The following LIPA variants were observed in gnomAD, a reference collection of about 807,000 sequenced individuals.
LIPA encodes lipase A, lysosomal acid type, also known as lysosomal acid lipase/cholesteryl ester hydrolase.
LIPA carries 26 observed loss-of-function variants against 40.6 expected under a neutral mutation model. That is an observed-to-expected ratio of 0.64 (90% CI 0.47 to 0.89). LIPA has a LOEUF of 0.89. Ranked by LOEUF, LIPA falls within the 40% of genes least tolerant of loss-of-function variation. LIPA has a pLI of 0.00. For missense variants in LIPA, 455 were observed against 479.6 expected, an observed-to-expected ratio of 0.95 and a Z score of 0.48; for synonymous variants, 188 against 168.4, an observed-to-expected ratio of 1.12 and a Z score of -0.90.
At chr10:89,271,934 T>C (rs1026594237) in intron 1 of LIPA, among the ~76,000 whole-genome samples, 1 of 151,642 alleles carries the variant, frequency 6.6e-6, no homozygotes, top group Admixed American at 6.6e-5. Flanking sequence ...ACCAGATACA[T>C]TGTCACGCAC....
At chr10:89,384,726 C>T in intron 2 of LIPA, 10 of 1,606,832 alleles carry the variant, frequency 6.2e-6, no homozygotes, top group Non-Finnish European at 8.5e-6. Context: ...CTGACCTGAA[C>T]CCTATATTTT....
intron 2 of LIPA, among the ~76,000 whole-genome samples, chr10:89,360,896 G>A (rs11203091): frequency 2.0e-5 from 3 of 152,082 alleles, no homozygotes; most frequent in Non-Finnish European, 2.9e-5. Flanking sequence ...AGAGCCATGC[G>A]CCCTTTGAAA....
At chr10:89,378,860 T>C (rs577265820) in intron 2 of LIPA, among the ~76,000 whole-genome samples, 13 of 152,346 alleles carry the variant, frequency 8.5e-5, no homozygotes, top group Non-Finnish European at 1.8e-4. Flanking sequence ...AGCAATCTTA[T>C]TTCCAAAGAT....
intron 3 of LIPA, among the ~76,000 whole-genome samples, chr10:89,244,676 T>G (rs1843002713): frequency 6.6e-6 from 1 of 152,182 alleles, no homozygotes; most frequent in South Asian, 2.1e-4. Context: ...TTTCAATCAG[T>G]CTGTCTAGAA....
intron 2 of LIPA, among the ~76,000 whole-genome samples, chr10:89,390,843 T>C (rs992445849): frequency 6.6e-6 from 1 of 152,228 alleles, no homozygotes; most frequent in Non-Finnish European, 1.5e-5. Flanking sequence ...TGAAAACCCA[T>C]TTTTTCCCAT....
At chr10:89,340,257 T>TG in intron 1 of LIPA, 1 of 1,012,628 alleles carries the variant, frequency 9.9e-7, no homozygotes, top group Non-Finnish European at 1.4e-6. Flanking sequence ...CTAAGGTACA[T>TG]TTTTAAAGAG....
intron 1 of LIPA, among the ~76,000 whole-genome samples, chr10:89,291,722 T>C (rs1341872106): frequency 6.6e-6 from 1 of 152,206 alleles, no homozygotes; most frequent in Non-Finnish European, 1.5e-5. Flanking sequence ...GGAAGAAGTG[T>C]ATACATGGTT....
chr10:89,247,846 T>TTTTATTTATTTATTTA (rs3063809), intron 1 of LIPA, 197 bp from the exon 2 acceptor site: 2,290 of 164,302 alleles, frequency 0.014, 38 homozygotes, highest in African/African-American at 0.034. Context: ...TTTATTTTTA[T>TTTTATTTATTTATTTA]TTTATTTATT....
chr10:89,230,905 C>A lies in LIPA; in HGVS notation c.230-2507G>T, dbSNP rs557564283. On this transcript the variant is annotated intron_variant, in intron 3 of 9. Transcript: ENST00000336233. ...TAAGAGGAATAAGTGAGGTAAGTAT[C>A]CAGTATAGTGACTGACACACGGGTC... Among the ~76,000 whole-genome samples the A allele has an allele frequency of 3.3e-4, 51 of 152,252 alleles. No homozygotes were observed. In the South Asian group the frequency reaches 0.01, roughly 30 times the overall value.
At chr10:89,411,185 A>T (rs1164803583) in intron 2 of LIPA, among the ~76,000 whole-genome samples, 1 of 148,570 alleles carries the variant, frequency 6.7e-6, no homozygotes, top group African/African-American at 2.4e-5. Flanking sequence ...GTTTCCTAAC[A>T]GGGGATCTAA....
chr10:89,254,067 A>C (rs1843168639), upstream of LIPA, among the ~76,000 whole-genome samples: 1 of 152,144 alleles, frequency 6.6e-6, no homozygotes, highest in African/African-American at 2.4e-5. Flanking sequence ...TGCACAGTGC[A>C]AGCTATCGGT....
chr10:89,255,541 A>T (rs146314168), upstream of LIPA, among the ~76,000 whole-genome samples: 3 of 152,220 alleles, frequency 2.0e-5, no homozygotes, highest in East Asian at 5.8e-4. Flanking sequence ...CAATAGTCCA[A>T]GTGAGAGTTA....
At chr10:89,260,292 A>C (rs185594243) in intron 1 of LIPA, among the ~76,000 whole-genome samples, 78 of 152,212 alleles carry the variant, frequency 5.1e-4, no homozygotes, top group Non-Finnish European at 1.0e-3. Context: ...AATTTAACCC[A>C]TTTTCATTCA....
At chr10:89,300,620 T>C (rs750119930) in intron 1 of LIPA, among the ~76,000 whole-genome samples, 2 of 152,198 alleles carry the variant, frequency 1.3e-5, no homozygotes, top group African/African-American at 2.4e-5. Context: ...TTAGGAATTG[T>C]TTGGCTTAGG....
intron 1 of LIPA, among the ~76,000 whole-genome samples, chr10:89,291,672 T>C (rs999749282): frequency 6.6e-6 from 1 of 152,212 alleles, no homozygotes; most frequent in African/African-American, 2.4e-5. Flanking sequence ...TGACTGTGGG[T>C]TGGCTCCCCT....
intron 3 of LIPA, among the ~76,000 whole-genome samples, chr10:89,245,140 T>C (rs925390847): frequency 6.6e-6 from 1 of 152,256 alleles, no homozygotes. Context: ...AAGAACAAAA[T>C]AGTGCCATCT....
intron 1 of LIPA, among the ~76,000 whole-genome samples, chr10:89,260,525 A>G (rs1403530483): frequency 6.6e-6 from 1 of 152,146 alleles, no homozygotes; most frequent in Non-Finnish European, 1.5e-5. Flanking sequence ...CTCACCCTTC[A>G]TTGCCAGCAG....
intron 1 of LIPA, among the ~76,000 whole-genome samples, chr10:89,271,583 G>A (rs1371225786): frequency 6.6e-6 from 1 of 152,126 alleles, no homozygotes; most frequent in Non-Finnish European, 1.5e-5. Flanking sequence ...AGGTCTTCTG[G>A]GGTGCCTCTT....
At chr10:89,227,054 G>A in intron 4 of LIPA, 50 bp from the exon 5 acceptor site, 2 of 1,101,886 alleles carry the variant, frequency 1.8e-6, no homozygotes, top group Non-Finnish European at 2.8e-6. Flanking sequence ...ATAAAATAGA[G>A]CACACACATA....
Sources: allele counts gnomAD v4.1 joint callset (sites outside exome capture counted in the v4.1 genomes callset), GRCh38; gene constraint gnomAD v4.1.1; transcripts MANE v1.5; gene names NCBI Gene and HGNC (gene_info 2026-07-23, HGNC 2026-07-21).